The following RTL4 variants were observed in gnomAD, a reference collection of about 807,000 sequenced individuals.
RTL4 encodes retrotransposon Gag-like protein 4.
A neutral mutation model predicts 5.3 loss-of-function variants in RTL4; 4 were observed. That is an observed-to-expected ratio of 0.75 (90% CI 0.37 to 1.72). The LOEUF (loss-of-function observed/expected upper bound fraction) is 1.72. Ranked by LOEUF, RTL4 falls within the 40% of genes most tolerant of loss-of-function variation. The pLI, the probability that RTL4 is intolerant of heterozygous loss-of-function variation, is 0.04. For missense variants in RTL4, 260 were observed against 227.1 expected (o/e 1.14, Z -0.93); for synonymous variants, 98 against 87.3 (o/e 1.12, Z -0.68).
chrX:112,330,544 G>A, the RTL4 span, among the ~76,000 whole-genome samples: 8 of 110,777 alleles, frequency 7.2e-5, no homozygotes, highest in South Asian at 3.8e-4. Flanking sequence ...ATGCTCATGG[G>A]TAGGAAGAAT....
At chrX:112,243,824 G>A in the RTL4 span, among the ~76,000 whole-genome samples, 7 of 111,535 alleles carry the variant, frequency 6.3e-5, no homozygotes, top group East Asian at 2.8e-4. Context: ...GCTTTCTCTT[G>A]TGGGCATTTA....
upstream of RTL4, among the ~76,000 whole-genome samples, chrX:112,449,523 T>C (rs986816104): frequency 8.9e-5 from 10 of 112,164 alleles, no homozygotes; most frequent in Non-Finnish European, 3.8e-5. Context: ...AGGGAACTTT[T>C]ACTGCATCAT....
At chrX:112,214,721 C>T in the RTL4 span, among the ~76,000 whole-genome samples, 4 of 111,761 alleles carry the variant, frequency 3.6e-5, no homozygotes, top group South Asian at 1.5e-3. Context: ...ATTCTAACAA[C>T]GTGAGGTGAT....
chrX:112,281,132 G>A, the RTL4 span, among the ~76,000 whole-genome samples: 6 of 111,168 alleles, frequency 5.4e-5, no homozygotes, highest in African/African-American at 2.0e-4. Flanking sequence ...TGTGTCCTTT[G>A]ACCAACATCT....
At chrX:112,398,981 C>A in the RTL4 span, among the ~76,000 whole-genome samples, 2 of 112,088 alleles carry the variant, frequency 1.8e-5, no homozygotes, top group Non-Finnish European at 3.8e-5. Context: ...AAGTTAATTC[C>A]TTTAAATAAT....
chrX:112,109,002 A>G, the RTL4 span, among the ~76,000 whole-genome samples: 2 of 110,556 alleles, frequency 1.8e-5, no homozygotes, highest in African/African-American at 6.6e-5. Context: ...TCCCTCAAGC[A>G]GATGGTATCT....
At chrX:112,335,245 C>T in the RTL4 span, among the ~76,000 whole-genome samples, 18 of 111,653 alleles carry the variant, frequency 1.6e-4, no homozygotes, top group African/African-American at 5.8e-4. Flanking sequence ...ACTGTTATCA[C>T]GGAGTTTGAT....
chrX:112,211,619 C>T, the RTL4 span, among the ~76,000 whole-genome samples: 2 of 111,780 alleles, frequency 1.8e-5, no homozygotes, highest in Admixed American at 9.5e-5. Context: ...AGGGTGTTGG[C>T]GAAAATTTGG....
the RTL4 span, among the ~76,000 whole-genome samples, chrX:112,335,095 C>T: frequency 1.8e-4 from 20 of 111,768 alleles, no homozygotes; most frequent in African/African-American, 6.2e-4. Flanking sequence ...TCAGATAAAA[C>T]TTCGCTGTAA....
the RTL4 span, among the ~76,000 whole-genome samples, chrX:112,380,677 G>C: frequency 1.2e-4 from 14 of 112,469 alleles, no homozygotes; most frequent in Admixed American, 1.3e-3. Flanking sequence ...GGCTGCGAAC[G>C]AAAACAGAAC....
the RTL4 span, among the ~76,000 whole-genome samples, chrX:112,169,084 TTTTC>T: frequency 0.043 from 1,837 of 42,491 alleles, 94 homozygotes; most frequent in African/African-American, 0.12. Flanking sequence ...TCTTTCTTTC[TTTTC>T]TTTCTTTCTT....
the RTL4 span, among the ~76,000 whole-genome samples, chrX:112,305,768 A>T: frequency 8.9e-6 from 1 of 112,384 alleles, no homozygotes. Context: ...GCCATTGTAC[A>T]GTCAGTGCTG....
At chrX:112,255,473 C>T in the RTL4 span, among the ~76,000 whole-genome samples, 1 of 111,800 alleles carries the variant, frequency 8.9e-6, no homozygotes, top group African/African-American at 3.2e-5. Flanking sequence ...CCTTACTGAG[C>T]CTCAATTTTA....
chrX:112,353,587 A>G, the RTL4 span, among the ~76,000 whole-genome samples: 25 of 110,794 alleles, frequency 2.3e-4, no homozygotes, highest in African/African-American at 8.2e-4. Flanking sequence ...GCAAGGACAA[A>G]AAACCAAACA....
chrX:112,349,849 C>T, the RTL4 span, among the ~76,000 whole-genome samples: 4 of 106,110 alleles, frequency 3.8e-5, no homozygotes, highest in African/African-American at 1.4e-4. Context: ...ATTGAATACC[C>T]TTTATTTCCT....
chrX:112,243,823 T>C, the RTL4 span, among the ~76,000 whole-genome samples: 28,700 of 110,981 alleles, frequency 0.26, 3,754 homozygotes, highest in African/African-American at 0.52. Flanking sequence ...TGCTTTCTCT[T>C]GTGGGCATTT....
chrX:112,117,913 G>A, the RTL4 span, among the ~76,000 whole-genome samples: 5 of 111,554 alleles, frequency 4.5e-5, no homozygotes, highest in Admixed American at 3.8e-4. Context: ...GTTTCTAATA[G>A]TAAACATTTG....
chrX:112,243,568 C>T, the RTL4 span, among the ~76,000 whole-genome samples: 1 of 111,247 alleles, frequency 9.0e-6, no homozygotes, highest in Non-Finnish European at 1.9e-5. Flanking sequence ...TTTATTGCAT[C>T]TATCTAATTC....
At chrX:112,100,230 CA>C in the RTL4 span, among the ~76,000 whole-genome samples, 106 of 112,066 alleles carry the variant, frequency 9.5e-4, no homozygotes, top group Non-Finnish European at 1.8e-3. Flanking sequence ...AGAGCACTTT[CA>C]GTGCAGTGGT....
Sources: gnomAD v4.1 joint callset for allele counts (sites outside exome capture counted in the v4.1 genomes callset) on GRCh38, gnomAD v4.1.1 for gene constraint, MANE v1.5 for transcripts, NCBI Gene and HGNC (gene_info 2026-07-23, HGNC 2026-07-21) for gene names.